DLGAP2: variants seen among roughly 807,000 people sequenced by gnomAD.
The protein encoded by DLGAP2 is disks large-associated protein 2.
Under a neutral mutation model 100.3 loss-of-function variants are expected in DLGAP2, and 26 were observed. The ratio of observed to expected loss-of-function variants is 0.26; its 90% CI spans 0.19 to 0.36. The LOEUF is 0.36. Among genes scored for constraint, DLGAP2 ranks in the 10% least tolerant of loss-of-function variants. The pLI is 1.00. For missense variants in DLGAP2, 1,858 were observed against 1,453.2 expected, an observed-to-expected ratio of 1.28 and a Z score of -4.53; for synonymous variants, 886 against 630.1, an observed-to-expected ratio of 1.41 and a Z score of -6.08.
chr8:780,727 A>T (rs932467916), intron 1 of DLGAP2, among the ~76,000 whole-genome samples: 9 of 152,236 alleles, frequency 5.9e-5, no homozygotes, highest in Non-Finnish European at 1.5e-5. Context: ...AACTCACAGC[A>T]CATTGTCATT....
intron 2 of DLGAP2, among the ~76,000 whole-genome samples, chr8:974,304 T>A (rs1481382410): frequency 6.6e-6 from 1 of 152,146 alleles, no homozygotes; most frequent in Non-Finnish European, 1.5e-5. Flanking sequence ...GGGGTAAGGA[T>A]AAGAATTACT....
intron 4 of DLGAP2, among the ~76,000 whole-genome samples, chr8:1,504,863 C>G (rs1799852311): frequency 6.6e-6 from 1 of 152,172 alleles, no homozygotes; most frequent in Non-Finnish European, 1.5e-5. Flanking sequence ...TTCCACACAT[C>G]CATTTTATTC....
At chr8:1,090,317 G>C (rs571087739) in intron 2 of DLGAP2, among the ~76,000 whole-genome samples, 1 of 132,240 alleles carries the variant, frequency 7.6e-6, no homozygotes, top group African/African-American at 2.5e-5. Context: ...CTCACACACC[G>C]AGGACCTGCT....
intron 3 of DLGAP2, among the ~76,000 whole-genome samples, chr8:1,457,884 G>A (rs1005271249): frequency 1.7e-4 from 25 of 149,414 alleles, no homozygotes; most frequent in Admixed American, 6.7e-5. Context: ...TCAAGGGCAT[G>A]CACATTTCTG....
At chr8:1,452,092 G>A (rs896774549) in intron 3 of DLGAP2, among the ~76,000 whole-genome samples, 2 of 152,278 alleles carry the variant, frequency 1.3e-5, no homozygotes, top group African/African-American at 4.8e-5. Context: ...ACTGGGCATG[G>A]TTGTAGCGAA....
chr8:1,614,904 G>A (rs1012311498), intron 6 of DLGAP2, among the ~76,000 whole-genome samples: 2 of 152,210 alleles, frequency 1.3e-5, no homozygotes, highest in Admixed American at 6.5e-5. Flanking sequence ...AGCAGAGTTG[G>A]GCAGGAAGTA....
At chr8:1,113,605 A>G (rs1042336168) in intron 2 of DLGAP2, among the ~76,000 whole-genome samples, 15 of 152,142 alleles carry the variant, frequency 9.9e-5, no homozygotes, top group African/African-American at 3.6e-4. Flanking sequence ...TTGAGCCAAG[A>G]CTGGGGTTTT....
chr8:1,061,763 C>T (rs778205475), intron 2 of DLGAP2, among the ~76,000 whole-genome samples: 6 of 151,990 alleles, frequency 3.9e-5, no homozygotes, highest in Non-Finnish European at 7.4e-5. Flanking sequence ...AGGACTTTCT[C>T]GGAGGTTGCA....
intron 3 of DLGAP2, among the ~76,000 whole-genome samples, chr8:1,364,543 C>T (rs1563107174): frequency 6.6e-6 from 1 of 151,684 alleles, no homozygotes; most frequent in African/African-American, 2.4e-5. Flanking sequence ...CCCTGGAGGA[C>T]TGGGGCTGGC....
intron 5 of DLGAP2, among the ~76,000 whole-genome samples, chr8:1,562,592 G>GA (rs1802213013): frequency 1.8e-5 from 1 of 56,724 alleles, no homozygotes; most frequent in Non-Finnish European, 3.5e-5. Flanking sequence ...TGTGGTGTTG[G>GA]GTGTCCGCGC....
chr8:1,377,240 G>A (rs753954645), intron 3 of DLGAP2, among the ~76,000 whole-genome samples: 2 of 152,236 alleles, frequency 1.3e-5, no homozygotes, highest in African/African-American at 4.8e-5. Context: ...GCCAGGAGGG[G>A]GCTGCTTAAT....
intron 3 of DLGAP2, chr8:1,259,889 T>C (rs1408700367): frequency 6.6e-6 from 1 of 152,270 alleles, no homozygotes; most frequent in African/African-American, 2.4e-5. Flanking sequence ...GACAAGGTTT[T>C]AAAACTTTTT....
intron 3 of DLGAP2, among the ~76,000 whole-genome samples, chr8:1,265,828 A>C (rs1441403606): frequency 6.6e-6 from 1 of 152,216 alleles, no homozygotes; most frequent in African/African-American, 2.4e-5. Context: ...AAAATATTTA[A>C]TATAAAGGTG....
chr8:970,027 T>A (rs998629511), intron 2 of DLGAP2, among the ~76,000 whole-genome samples: 1 of 152,222 alleles, frequency 6.6e-6, no homozygotes, highest in Non-Finnish European at 1.5e-5. Context: ...AGCAAAAAAT[T>A]GTTCACACCA....
intron 3 of DLGAP2, among the ~76,000 whole-genome samples, chr8:1,343,809 A>G (rs1012636993): frequency 6.6e-6 from 1 of 151,828 alleles, no homozygotes. Flanking sequence ...GTGGCACGAG[A>G]TCCTCCCTGC....
At chr8:1,186,708 T>C (rs557975366) in intron 2 of DLGAP2, among the ~76,000 whole-genome samples, 106 of 152,254 alleles carry the variant, frequency 7.0e-4, no homozygotes, top group Middle Eastern at 3.4e-3. Context: ...TGAGCTGATA[T>C]TCTGTTGTGA....
At chr8:1,434,738 G>A (rs140820518) in intron 3 of DLGAP2, among the ~76,000 whole-genome samples, 1 of 152,178 alleles carries the variant, frequency 6.6e-6, no homozygotes, top group Non-Finnish European at 1.5e-5. Context: ...GTCTTCCAAA[G>A]TGCTGGGATT....
At position 1,153,279 on chromosome 8, in the gene DLGAP2, G is replaced by A. The variant is rs566297251; in HGVS notation, c.74-105572G>A. On this transcript the variant is annotated intron_variant, in intron 2 of 14. Transcript: ENST00000637795. ...CCAGATAATTGGGGTCATTTTCTTC[G>A]GAAGGAAAAAAATCAGCTTTTGGCA... 1.0e-3 allele frequency among the ~76,000 whole-genome samples: 153 copies of A among 152,108 alleles called. 1 individual carries two copies. Among genetic ancestry groups the A allele is most frequent in the African/African-American group, 3.5e-3 (144 of 41,480 alleles).
At chr8:1,391,013 C>T (rs1224590305) in intron 3 of DLGAP2, among the ~76,000 whole-genome samples, 1 of 152,192 alleles carries the variant, frequency 6.6e-6, no homozygotes, top group Non-Finnish European at 1.5e-5. Flanking sequence ...CTGAACCCCC[C>T]ATGTGGGGTC....
Sources: gnomAD v4.1 joint callset for allele counts (sites outside exome capture counted in the v4.1 genomes callset) on GRCh38, gnomAD v4.1.1 for gene constraint, MANE v1.5 for transcripts, NCBI Gene and HGNC (gene_info 2026-07-23, HGNC 2026-07-21) for gene names.